Variants in GNA12 observed in about 807,000 individuals in gnomAD.
GNA12 encodes guanine nucleotide-binding protein subunit alpha-12.
A neutral mutation model predicts 26.0 loss-of-function variants in GNA12; 9 were observed. The ratio of observed to expected loss-of-function variants is 0.35; its 90% CI spans 0.21 to 0.60. The LOEUF (loss-of-function observed/expected upper bound fraction) is 0.60, where lower values mean the gene tolerates loss of function less well. Ranked by LOEUF, GNA12 falls within the 20% of genes least tolerant of loss-of-function variation. GNA12 has a pLI of 0.78. For synonymous variants in GNA12, 264 were observed against 219.6 expected (o/e 1.20, Z -1.79); for missense variants, 405 against 525.8 (o/e 0.77, Z 2.25).
At chr7:2,792,118 AC>A (rs1346547473) in intron 2 of GNA12, among the ~76,000 whole-genome samples, 1 of 152,200 alleles carries the variant, frequency 6.6e-6, no homozygotes, top group Non-Finnish European at 1.5e-5. Flanking sequence ...CGCCAAGTGC[AC>A]GTCTAGATTA....
At chr7:2,842,203 G>A (rs1039484676) in intron 1 of GNA12, among the ~76,000 whole-genome samples, 2 of 151,804 alleles carry the variant, frequency 1.3e-5, no homozygotes, top group African/African-American at 4.8e-5. Context: ...CTAGGTGTAA[G>A]CAAGGCTGCA....
chr7:2,807,375 T>G (rs768510864), intron 1 of GNA12, among the ~76,000 whole-genome samples: 6 of 152,184 alleles, frequency 3.9e-5, no homozygotes, highest in Non-Finnish European at 8.8e-5. Flanking sequence ...TTCTAGTCTC[T>G]TGTTTCCAGT....
In GNA12 at chr7:2,843,372, C is replaced by A. The variant is rs2533871; in HGVS notation, c.309+481G>T. ...GAGAGGGCAGAGGCAGACCGGGCGCCATGACTCATGCCTATAATCCCAGCA... is the reference window on the plus strand; with the variant it reads ...GAGAGGGCAGAGGCAGACCGGGCGCAATGACTCATGCCTATAATCCCAGCA... On this transcript the variant is annotated intron_variant, in intron 1 of 3. Coordinates refer to ENST00000275364, the MANE Select transcript of GNA12 (RefSeq NM_007353.3). 1.3e-4 allele frequency among the ~76,000 whole-genome samples: 20 copies of A among 151,700 alleles called. No homozygotes were observed. In the East Asian group the frequency reaches 3.9e-3, roughly 30 times the overall value.
intron 2 of GNA12, chr7:2,762,873 C>T: frequency 1.4e-6 from 2 of 1,444,928 alleles, no homozygotes; most frequent in South Asian, 2.9e-5. Context: ...GCTCCGAGCC[C>T]TGCTCGTGGA....
chr7:2,790,524 C>T (rs534261780), intron 2 of GNA12, among the ~76,000 whole-genome samples: 2 of 152,344 alleles, frequency 1.3e-5, no homozygotes, highest in East Asian at 3.9e-4. Flanking sequence ...GCCTGGCACA[C>T]AGAAAGGACT....
chr7:2,761,631 C>G (rs925881154), intron 2 of GNA12, among the ~76,000 whole-genome samples: 8 of 152,206 alleles, frequency 5.3e-5, no homozygotes, highest in African/African-American at 1.9e-4. Context: ...GAACCGGCCT[C>G]TCAGGACGGA....
chr7:2,755,828 C>T (rs999005943), intron 2 of GNA12, among the ~76,000 whole-genome samples: 3 of 152,084 alleles, frequency 2.0e-5, no homozygotes, highest in Non-Finnish European at 4.4e-5. Context: ...AAATTTGAAA[C>T]CTAAATAATT....
chr7:2,762,903 G>A, intron 2 of GNA12: 4 of 1,421,566 alleles, frequency 2.8e-6, no homozygotes, highest in Non-Finnish European at 3.7e-6. Flanking sequence ...GCTGCGGCGG[G>A]GAGAAGAGGC....
chr7:2,737,289 G>GTTTTTTTTTTTTTTTTTTTTTTTTTT (rs11389467), intron 2 of GNA12, among the ~76,000 whole-genome samples: 7 of 62,276 alleles, frequency 1.1e-4, no homozygotes, highest in Non-Finnish European at 2.3e-4. Context: ...TTTTTTTTTT[G>GTTTTTTTTTTTTTTTTTTTTTTTTTT]TTTTTTTTTT....
At chr7:2,832,801 C>A (rs1319077551) in intron 1 of GNA12, among the ~76,000 whole-genome samples, 1 of 152,180 alleles carries the variant, frequency 6.6e-6, no homozygotes, top group African/African-American at 2.4e-5. Flanking sequence ...CTTCCCCTTG[C>A]CGTCCAGAGC....
chr7:2,819,838 T>G (rs1446264409), intron 1 of GNA12, among the ~76,000 whole-genome samples: 4 of 152,288 alleles, frequency 2.6e-5, no homozygotes, highest in African/African-American at 9.6e-5. Context: ...GTCAAAATGT[T>G]AAACATAAAG....
chr7:2,827,629 G>A (rs555229266), intron 1 of GNA12, among the ~76,000 whole-genome samples: 61 of 152,256 alleles, frequency 4.0e-4, no homozygotes, highest in African/African-American at 1.5e-3. Flanking sequence ...GCAGAGGACA[G>A]AACAGGACTC....
In GNA12 at chr7:2,787,278, G is replaced by A. The variant is rs143013178; in HGVS notation, c.525+7650C>T. Among the ~76,000 whole-genome samples, 3 of 152,248 alleles carry A rather than the reference G, an allele frequency of 2.0e-5. No homozygotes were observed. In the East Asian group the frequency reaches 5.8e-4, roughly 29 times the overall value. ...CCTACATTACTTCAAGAGCCTCCATGGGACCCTCACTTTTATTATCAACAT... is the reference window on the plus strand; with the variant it reads ...CCTACATTACTTCAAGAGCCTCCATAGGACCCTCACTTTTATTATCAACAT... On this transcript the variant is annotated intron_variant, in intron 2 of 3. Coordinates refer to ENST00000275364, the MANE Select transcript of GNA12 (RefSeq NM_007353.3).
chr7:2,791,752 C>T (rs763848242), intron 2 of GNA12, among the ~76,000 whole-genome samples: 6 of 152,166 alleles, frequency 3.9e-5, no homozygotes, highest in Non-Finnish European at 5.9e-5. Context: ...GCCCTGGTAA[C>T]GGTGACTTCA....
intron 2 of GNA12, among the ~76,000 whole-genome samples, chr7:2,771,294 C>T (rs894213478): frequency 6.6e-6 from 1 of 151,100 alleles, no homozygotes; most frequent in Admixed American, 6.6e-5. Flanking sequence ...CCCTGCCACT[C>T]AAAAAAAACC....
intron 1 of GNA12, among the ~76,000 whole-genome samples, chr7:2,816,240 C>CTTTT (rs71026563): frequency 6.7e-6 from 1 of 148,428 alleles, no homozygotes. Flanking sequence ...TCACCAAATC[C>CTTTT]TTTTTTTTTG....
chr7:2,753,523 C>T (rs981864494), intron 2 of GNA12, among the ~76,000 whole-genome samples: 1 of 152,170 alleles, frequency 6.6e-6, no homozygotes, highest in South Asian at 2.1e-4. Flanking sequence ...CAGTAGCTTG[C>T]CCCTTTTTAC....
chr7:2,790,847 G>A (rs1009836130), intron 2 of GNA12, among the ~76,000 whole-genome samples: 2 of 152,148 alleles, frequency 1.3e-5, no homozygotes, highest in Non-Finnish European at 2.9e-5. Context: ...GGTGGCACAT[G>A]CCTGTGATCC....
At chr7:2,838,849 C>T (rs1778909653) in intron 1 of GNA12, among the ~76,000 whole-genome samples, 1 of 152,030 alleles carries the variant, frequency 6.6e-6, no homozygotes, top group Non-Finnish European at 1.5e-5. Context: ...ATATAATAAT[C>T]CTAAACATTT....
Sources: gnomAD v4.1 joint callset for allele counts (sites outside exome capture counted in the v4.1 genomes callset) on GRCh38, gnomAD v4.1.1 for gene constraint, MANE v1.5 for transcripts, NCBI Gene and HGNC (gene_info 2026-07-23, HGNC 2026-07-21) for gene names.